CDYL: variants seen among roughly 807,000 people sequenced by gnomAD.
CDYL encodes chromodomain Y like, also known as chromodomain Y-like protein.
Under a neutral mutation model 47.3 loss-of-function variants are expected in CDYL, and 8 were observed. The ratio of observed to expected loss-of-function variants is 0.17; its 90% CI spans 0.10 to 0.31. CDYL has a LOEUF of 0.31. Among genes scored for constraint, CDYL ranks in the 10% least tolerant of loss-of-function variants. The pLI is 1.00. For missense variants in CDYL, 471 were observed against 701.4 expected (o/e 0.67, Z 3.71); for synonymous variants, 266 against 265.0 (o/e 1.00, Z -0.04).
At chr6:4,881,863 G>A (rs148162049) in intron 1 of CDYL, among the ~76,000 whole-genome samples, 9 of 152,246 alleles carry the variant, frequency 5.9e-5, no homozygotes, top group African/African-American at 9.6e-5. Context: ...TTCTCCATAG[G>A]TCTTCTGCAT....
chr6:4,756,923 A>T (rs1758084331), intron 3 of CDYL, among the ~76,000 whole-genome samples: 1 of 152,180 alleles, frequency 6.6e-6, no homozygotes, highest in African/African-American at 2.4e-5. Context: ...AGCTTATTAC[A>T]AGAGAATTTA....
chr6:4,766,606 A>G (rs1758255348), intron 3 of CDYL, among the ~76,000 whole-genome samples: 1 of 152,234 alleles, frequency 6.6e-6, no homozygotes, highest in Non-Finnish European at 1.5e-5. Context: ...AAATGCATAC[A>G]GGTATCAAAA....
intron 1 of CDYL, among the ~76,000 whole-genome samples, chr6:4,872,349 A>G (rs1195063642): frequency 1.5e-5 from 2 of 130,058 alleles, no homozygotes; most frequent in Admixed American, 8.0e-5. Context: ...TTTGGTTGGT[A>G]CATTAGGTTT....
intron 1 of CDYL, among the ~76,000 whole-genome samples, chr6:4,857,268 A>G (rs550989818): frequency 5.8e-4 from 89 of 152,238 alleles, no homozygotes; most frequent in Non-Finnish European, 1.0e-3. Context: ...CTTAAAAAAA[A>G]TGAAGTTTTG....
chr6:4,858,307 T>C (rs1761068823), intron 1 of CDYL, among the ~76,000 whole-genome samples: 1 of 152,196 alleles, frequency 6.6e-6, no homozygotes, highest in African/African-American at 2.4e-5. Flanking sequence ...TAAACCACCG[T>C]TTGATTTGAT....
At chr6:4,835,354 T>C (rs959400092) in intron 1 of CDYL, among the ~76,000 whole-genome samples, 4 of 152,236 alleles carry the variant, frequency 2.6e-5, no homozygotes, top group Non-Finnish European at 5.9e-5. Flanking sequence ...CCTGTTTGCC[T>C]GGGTATCAGC....
intron 3 of CDYL, among the ~76,000 whole-genome samples, chr6:4,767,392 G>C (rs113268953): frequency 0.012 from 1,756 of 152,240 alleles, 40 homozygotes; most frequent in African/African-American, 0.04. Context: ...GCCCAACATG[G>C]TGAAACCCCA....
chr6:4,759,581 T>G (rs369244115), intron 3 of CDYL, among the ~76,000 whole-genome samples: 1 of 151,902 alleles, frequency 6.6e-6, no homozygotes, highest in Non-Finnish European at 1.5e-5. Flanking sequence ...GATCTTCTCA[T>G]TTTAGAAATT....
intron 3 of CDYL, among the ~76,000 whole-genome samples, chr6:4,762,625 T>A: frequency 1.7e-5 from 1 of 59,260 alleles, no homozygotes; most frequent in Non-Finnish European, 3.4e-5. Context: ...ATCAAAAGGA[T>A]ATTCCAGATT....
At chr6:4,937,542 C>G (rs761671011) in intron 3 of CDYL, 23 bp from the exon 4 acceptor site, 1 of 1,509,896 alleles carries the variant, frequency 6.6e-7, no homozygotes, top group African/African-American at 1.4e-5. Context: ...TTCTTTGCCA[C>G]TTTAACTTCT....
chr6:4,716,105 C>T (rs1757255501), intron 2 of CDYL, among the ~76,000 whole-genome samples: 1 of 151,852 alleles, frequency 6.6e-6, no homozygotes, highest in East Asian at 1.9e-4. Flanking sequence ...AAAAATTAGC[C>T]TGGCGTGGTG....
intron 2 of CDYL, among the ~76,000 whole-genome samples, chr6:4,717,415 T>C (rs1757284959): frequency 1.3e-5 from 2 of 152,114 alleles, no homozygotes; most frequent in Admixed American, 1.3e-4. Context: ...TTTCAGTTTT[T>C]AAAACAAAAG....
At chr6:4,929,333 C>T (rs1757966849) in intron 2 of CDYL, among the ~76,000 whole-genome samples, 1 of 151,632 alleles carries the variant, frequency 6.6e-6, no homozygotes, top group Non-Finnish European at 1.5e-5. Flanking sequence ...TATCTGTAAT[C>T]TTTTTGTTCT....
intron 1 of CDYL, among the ~76,000 whole-genome samples, chr6:4,791,713 A>G (rs1220918599): frequency 1.3e-5 from 2 of 152,034 alleles, no homozygotes; most frequent in African/African-American, 2.4e-5. Flanking sequence ...AAAGAAAGAA[A>G]AAAAAAAAGT....
intron 3 of CDYL, among the ~76,000 whole-genome samples, chr6:4,750,008 A>T (rs962346115): frequency 6.6e-6 from 1 of 152,068 alleles, no homozygotes; most frequent in Non-Finnish European, 1.5e-5. Flanking sequence ...GTCTCTCTTC[A>T]TTCCTAATTA....
intron 2 of CDYL, among the ~76,000 whole-genome samples, chr6:4,921,601 T>C (rs1453661068): frequency 6.6e-6 from 1 of 152,192 alleles, no homozygotes; most frequent in African/African-American, 2.4e-5. Context: ...TAGACTTCCT[T>C]GTGCCCTTTC....
chr6:4,847,141 G>T (rs184817473), intron 1 of CDYL, among the ~76,000 whole-genome samples: 188 of 152,278 alleles, frequency 1.2e-3, no homozygotes, highest in Non-Finnish European at 1.9e-3. Flanking sequence ...TAACTATTGC[G>T]TGCACCAAAA....
chr6:4,736,324 T>C (rs184879095), intron 3 of CDYL, among the ~76,000 whole-genome samples: 2 of 152,388 alleles, frequency 1.3e-5, no homozygotes, highest in Admixed American at 1.3e-4. Context: ...AGAGACTAAG[T>C]TACAGTTGTT....
At chr6:4,896,607 C>A (rs184976912) in intron 2 of CDYL, among the ~76,000 whole-genome samples, 87 of 152,268 alleles carry the variant, frequency 5.7e-4, no homozygotes, top group African/African-American at 1.8e-3. Context: ...TCCAGAAAGC[C>A]CTCGTTCGCC....
Sources: allele counts gnomAD v4.1 joint callset (sites outside exome capture counted in the v4.1 genomes callset), GRCh38; gene constraint gnomAD v4.1.1; transcripts MANE v1.5; gene names NCBI Gene and HGNC (gene_info 2026-07-23, HGNC 2026-07-21).